CANX: variants seen among roughly 807,000 people sequenced by gnomAD.
CANX encodes calnexin, also known as epididymis secretory sperm binding protein.
Under a neutral mutation model 75.7 loss-of-function variants are expected in CANX, and 14 were observed. The observed-to-expected ratio is 0.19, with a 90% confidence interval of 0.12 to 0.29. The LOEUF (loss-of-function observed/expected upper bound fraction) is 0.29. CANX is among the 10% of genes least tolerant of loss of function. CANX has a pLI of 1.00. For synonymous variants in CANX, 227 were observed against 236.9 expected (o/e 0.96, Z 0.38); for missense variants, 567 against 713.2 (o/e 0.79, Z 2.34).
intron 10 of CANX, among the ~76,000 whole-genome samples, chr5:179,721,618 A>G (rs1778317805): frequency 6.6e-6 from 1 of 152,152 alleles, no homozygotes; most frequent in South Asian, 2.1e-4. Context: ...CAACTATAAA[A>G]AGACTGAGGC....
At chr5:179,712,838 C>T (rs2113192931) in intron 7 of CANX, among the ~76,000 whole-genome samples, 1 of 152,038 alleles carries the variant, frequency 6.6e-6, no homozygotes, top group Middle Eastern at 3.4e-3. Context: ...ATTCTCTTGC[C>T]ACAGCCTCCT....
chr5:179,710,626 C>T (rs533483907), intron 7 of CANX, among the ~76,000 whole-genome samples: 3,407 of 139,768 alleles, frequency 0.024, 71 homozygotes, highest in Non-Finnish European at 0.037. Context: ...GAGAATGGCA[C>T]GAACCCGGGA....
intron 1 of CANX, among the ~76,000 whole-genome samples, chr5:179,683,627 G>T (rs1445748733): frequency 6.6e-6 from 1 of 151,610 alleles, no homozygotes; most frequent in Non-Finnish European, 1.5e-5. Flanking sequence ...TCTGCCTCCT[G>T]GGTTCAAGTG....
intron 1 of CANX, among the ~76,000 whole-genome samples, chr5:179,681,945 A>G (rs1431862061): frequency 2.2e-5 from 1 of 45,762 alleles, no homozygotes; most frequent in East Asian, 7.4e-4. Flanking sequence ...CCCTGTGTTT[A>G]AAAAAAAAAA....
chr5:179,706,947 T>C (rs1248417235), intron 3 of CANX, among the ~76,000 whole-genome samples, 185 bp from the exon 4 acceptor site: 2 of 152,234 alleles, frequency 1.3e-5, no homozygotes, highest in Non-Finnish European at 2.9e-5. Flanking sequence ...TGGTACTTTT[T>C]CATATAGGTT....
chr5:179,697,409 C>G (rs1211436929), upstream of CANX, among the ~76,000 whole-genome samples: 1 of 152,172 alleles, frequency 6.6e-6, no homozygotes, highest in South Asian at 2.1e-4. Flanking sequence ...GCAGTCCCTC[C>G]CCTTCAGAAT....
At chr5:179,699,230 C>A (rs540604433) in intron 1 of CANX, 128 bp downstream of exon 1, 4 of 489,352 alleles carry the variant, frequency 8.2e-6, no homozygotes, top group Non-Finnish European at 1.1e-5. Context: ...AGGGCCCAGG[C>A]CCTGGCCGAC....
rs983183864 is a variant in CANX, at chr5:179,713,244, A to G, written c.722-2861A>G. Reference sequence around the variant, plus strand: ...TTACAGGCACACACCACCATGTCCAACTAATTTTTGTATTTTTAGTAGAGC... The same window carrying G: ...TTACAGGCACACACCACCATGTCCAGCTAATTTTTGTATTTTTAGTAGAGC... On this transcript the variant is annotated intron_variant, in intron 7 of 14. Coordinates refer to ENST00000247461, the MANE Select transcript of CANX (RefSeq NM_001746.4). Among the ~76,000 whole-genome samples the G allele has an allele frequency of 4.7e-5, 7 of 150,482 alleles. No homozygotes were observed. In the East Asian group the frequency reaches 8.0e-4, roughly 17 times the overall value.
intron 1 of CANX, among the ~76,000 whole-genome samples, chr5:179,703,819 C>CA (rs1776935215): frequency 6.6e-6 from 1 of 151,936 alleles, no homozygotes; most frequent in Non-Finnish European, 1.5e-5. Flanking sequence ...AACATGGACT[C>CA]ATGATAGTTT....
intron 14 of CANX, 37 bp downstream of exon 14, chr5:179,726,796 C>T (rs7734102): frequency 0.32 from 450,932 of 1,428,100 alleles, 74,059 homozygotes; most frequent in Non-Finnish European, 0.35. Context: ...TTTTACCAAG[C>T]TGAAGGTACA....
intron 1 of CANX, among the ~76,000 whole-genome samples, chr5:179,684,835 C>G (rs1776155827): frequency 1.3e-5 from 2 of 151,478 alleles, no homozygotes; most frequent in Non-Finnish European, 2.9e-5. Flanking sequence ...CAGCTCACTG[C>G]AACCTTCACC....
chr5:179,687,074 G>A (rs952527625), intron 1 of CANX, among the ~76,000 whole-genome samples: 4 of 152,014 alleles, frequency 2.6e-5, no homozygotes, highest in African/African-American at 9.7e-5. Context: ...ACTGCACCCG[G>A]CCTGCAGTTT....
At chr5:179,698,156 A>G (rs73338128), upstream of CANX, among the ~76,000 whole-genome samples, 2,134 of 152,294 alleles carry the variant, frequency 0.014, 64 homozygotes, top group African/African-American at 0.049. Flanking sequence ...TGAAAACTGA[A>G]GATGTACTAA....
chr5:179,720,654 T>C, intron 10 of CANX, 94 bp downstream of exon 10: 1 of 1,104,360 alleles, frequency 9.1e-7, no homozygotes, highest in Non-Finnish European at 1.3e-6. Context: ...TTGGTCATTA[T>C]ATTCAAGCTG....
rs1006366305 is a variant in CANX, at chr5:179,683,361, C to T, written c.-4+4584C>T. 4.6e-5 allele frequency among the ~76,000 whole-genome samples: 7 copies of T among 151,932 alleles called. No individual in the cohort carries two copies. In the East Asian group the frequency reaches 7.7e-4, roughly 17 times the overall value. On this transcript the variant is annotated intron_variant, in intron 1 of 14. Coordinates refer to the CANX transcript ENST00000681674. ...TGTTGGCCAGGATGGTCTCGATCTC[C>T]TGACCTTGTGATCCGCCCACCTCAG...
chr5:179,715,655 T>C (rs1032575831), intron 7 of CANX, among the ~76,000 whole-genome samples: 4 of 152,168 alleles, frequency 2.6e-5, no homozygotes, highest in African/African-American at 9.7e-5. Context: ...TTTTAATAAA[T>C]TGGAGGTTTG....
upstream of CANX, chr5:179,698,593 G>T: frequency 7.8e-7 from 1 of 1,289,192 alleles, no homozygotes; most frequent in Non-Finnish European, 1.0e-6. Context: ...TCGGCTCCAG[G>T]AACCAGACGG....
chr5:179,731,364 A>T lies in CANX; in HGVS notation c.*2720A>T, dbSNP rs1436798120. On this transcript the variant is annotated 3_prime_UTR_variant, in exon 15 of 15. Coordinates refer to ENST00000247461, the MANE Select transcript of CANX (RefSeq NM_001746.4). ...TAGCCCAGTTTTTTATGTGCTATTAAATTTTTAGATTACATACTAAAGAAA... is the reference window on the plus strand; with the variant it reads ...TAGCCCAGTTTTTTATGTGCTATTATATTTTTAGATTACATACTAAAGAAA... Among the ~76,000 whole-genome samples, 3 of 152,128 alleles carry T rather than the reference A, an allele frequency of 2.0e-5. No individual in the cohort carries two copies. In the East Asian group the frequency reaches 5.8e-4, roughly 29 times the overall value.
chr5:179,722,790 A>AT lies in CANX; in HGVS notation c.1183-5dup, dbSNP rs761726457. 8.0e-4 allele frequency: 1,221 copies of AT among 1,530,290 alleles called. No individual in the cohort carries two copies. Among genetic ancestry groups the AT allele is most frequent in the South Asian group, 1.2e-3 (107 of 86,672 alleles). The allele number at this position is 1,530,290 out of a possible 1,614,324, so 94.8% of individuals were successfully genotyped here. A position where few individuals can be genotyped will look rare whatever the true frequency, so the allele number is the denominator to read the frequency against. On this transcript the variant is annotated splice_polypyrimidine_tract_variant and intron_variant, in intron 10 of 14. Coordinates refer to ENST00000247461, the MANE Select transcript of CANX (RefSeq NM_001746.4). ...ATTATCTGAAATGATTTTCTGAAAC[A>AT]TTTTTTTTTCTAGGGAATCTGGAAA...
Sources: gnomAD v4.1 joint callset for allele counts (sites outside exome capture counted in the v4.1 genomes callset) on GRCh38, gnomAD v4.1.1 for gene constraint, MANE v1.5 for transcripts, NCBI Gene and HGNC (gene_info 2026-07-23, HGNC 2026-07-21) for gene names.